SACM1L: variants seen among roughly 807,000 people sequenced by gnomAD.
SACM1L encodes the protein phosphatidylinositol-3-phosphatase SAC1.
Under a neutral mutation model 89.5 loss-of-function variants are expected in SACM1L, and 32 were observed. The ratio of observed to expected loss-of-function variants is 0.36; its 90% confidence interval spans 0.27 to 0.48. SACM1L has a LOEUF of 0.48. Ranked by LOEUF, SACM1L falls within the 20% of genes least tolerant of loss-of-function variation. The pLI, the probability that SACM1L is intolerant of heterozygous loss-of-function variation, is 0.99. For synonymous variants in SACM1L, 213 were observed against 232.8 expected (o/e 0.92, Z 0.77); for missense variants, 543 against 708.5 (o/e 0.77, Z 2.65).
chr3:45,715,515 C>T (rs1698631554), intron 7 of SACM1L, among the ~76,000 whole-genome samples: 1 of 152,142 alleles, frequency 6.6e-6, no homozygotes, highest in Non-Finnish European at 1.5e-5. Flanking sequence ...GTGGCTCATG[C>T]CTGTAATCCC....
At chr3:45,735,019 TC>T (rs1000069255) in intron 13 of SACM1L, 12 of 429,654 alleles carry the variant, frequency 2.8e-5, no homozygotes, top group Non-Finnish European at 4.5e-5. Context: ...TCTCTAATCT[TC>T]AGCCATTTTT....
Position 45,721,990 on chromosome 3 carries a change from T to G in SACM1L, c.680-10T>G, listed in dbSNP as rs765967692. 1.3e-6 allele frequency: 2 copies of G among 1,589,378 alleles called. No homozygotes were observed. Among genetic ancestry groups the G allele is most frequent in the Non-Finnish European group, 1.7e-6 (2 of 1,159,062 alleles). ...CAGTATAGTTAATTCTTAATTTTTT[T>G]TCTATTTAGGAATTGATTCGGAAGG... On this transcript the variant is annotated splice_polypyrimidine_tract_variant and intron_variant, in intron 8 of 19. Transcript: ENST00000389061.
At chr3:45,703,154 T>G (rs114078070) in intron 1 of SACM1L, among the ~76,000 whole-genome samples, 1,715 of 152,290 alleles carry the variant, frequency 0.011, 18 homozygotes, top group Non-Finnish European at 0.017. Context: ...TATGCTACAT[T>G]GCCTTCTGTA....
rs150343677 is a variant in SACM1L, at chr3:45,735,259, C to G, written c.1125C>G (p.Gly375=). Residue 375 remains glycine, a synonymous_variant, in exon 14 of 20, where the codon GGC becomes GGG. Transcript: ENST00000389061. ...ELSYFLVDSA[G]QVVANQEGVF... is the part of the protein sequence containing the mutation. ...GTTATTTTCTAGTGGACTCTGCTGG[C>G]CAGGTGGTGGCAAACCAGGAAGGCG... is the stretch of plus-strand genomic sequence containing the variant. The G allele has an allele frequency of 6.2e-7, 1 of 1,612,510 alleles. No homozygotes were observed. The highest frequency in any genetic ancestry group is 8.5e-7 in the Non-Finnish European group (1 of 1,179,640).
intron 14 of SACM1L, chr3:45,737,168 G>C (rs1699219984): frequency 5.6e-6 from 1 of 178,256 alleles, no homozygotes; most frequent in African/African-American, 2.4e-5. Flanking sequence ...TGGGACAGAG[G>C]GTAAGGCTGG....
Position 45,703,535 on chromosome 3 carries a change from G to C in SACM1L, c.130G>C (p.Val44Leu). ...TGTGTCCACAGAGGTTACCCTTGCA[G>C]GTATTTTACAGCCAGATTTAGAAGT... ...DRVSTEVTLA[V>L]KKDVPPSAVT... The change falls in exon 2 of 20, where the codon GTC becomes CTC. Residue 44 changes from valine to leucine, a missense_variant and splice_region_variant. Transcript: ENST00000389061. 1 of 1,597,352 alleles carries C rather than the reference G, an allele frequency of 6.3e-7. No individual in the cohort carries two copies. Among genetic ancestry groups the C allele is most frequent in the Non-Finnish European group, 8.6e-7 (1 of 1,165,788 alleles).
At chr3:45,734,507 A>C (rs565142778) in intron 13 of SACM1L, 2 of 152,240 alleles carry the variant, frequency 1.3e-5, no homozygotes, top group South Asian at 4.2e-4. Flanking sequence ...CCCAGGCTGG[A>C]GTGCAGTGGT....
intron 1 of SACM1L, among the ~76,000 whole-genome samples, chr3:45,697,316 G>A (rs1320922471): frequency 2.6e-5 from 3 of 115,366 alleles, no homozygotes; most frequent in African/African-American, 3.5e-5. Flanking sequence ...TTGCTCTGTT[G>A]CCCAGGCTGG....
At chr3:45,713,646 A>G (rs2673034) in intron 6 of SACM1L, 78,421 of 162,828 alleles carry the variant, frequency 0.48, 19,592 homozygotes, top group Middle Eastern at 0.57. Flanking sequence ...CTAGGGAAAC[A>G]TGATATATTA....
intron 1 of SACM1L, among the ~76,000 whole-genome samples, chr3:45,696,005 T>C (rs1436176644): frequency 1.3e-5 from 2 of 151,236 alleles, no homozygotes; most frequent in African/African-American, 4.9e-5. Flanking sequence ...TCCTTTTTTT[T>C]TTTTTTTTTT....
chr3:45,690,174 C>T (rs563817458), intron 1 of SACM1L: 1 of 152,274 alleles, frequency 6.6e-6, no homozygotes, highest in Non-Finnish European at 1.5e-5. Context: ...GTCTTTGATA[C>T]AGAGGCTGTG....
chr3:45,703,331 C>A, intron 1 of SACM1L, 107 bp from the exon 2 acceptor site: 2 of 710,630 alleles, frequency 2.8e-6, no homozygotes, highest in Non-Finnish European at 2.4e-6. Context: ...CTTTTAGAAG[C>A]TGGGAAAATG....
intron 7 of SACM1L, among the ~76,000 whole-genome samples, chr3:45,718,923 A>G (rs150706055): frequency 1.3e-5 from 2 of 152,120 alleles, no homozygotes; most frequent in Non-Finnish European, 2.9e-5. Flanking sequence ...GGGGAGATAC[A>G]GTCTTTCATA....
chr3:45,736,853 G>T lies in SACM1L; in HGVS notation c.1240-730G>T, dbSNP rs1699210210. ...TACTTGTGCCTCTCCAAGTCTGCCA[G>T]TGAAGGCAGAGTTCTTACCCAGCTA... On this transcript the variant is annotated intron_variant, in intron 14 of 19. Transcript: ENST00000389061. Among the ~76,000 whole-genome samples, 3 of 152,174 alleles carry T rather than the reference G, an allele frequency of 2.0e-5. No individual in the cohort carries two copies. In the South Asian group the frequency reaches 6.2e-4, roughly 31 times the overall value.
intron 9 of SACM1L, 117 bp downstream of exon 9, chr3:45,722,202 A>G (rs1575402208): frequency 1.5e-6 from 1 of 651,786 alleles, no homozygotes; most frequent in Admixed American, 3.5e-5. Context: ...TAATATTTTT[A>G]TCTATGGTGC....
At chr3:45,718,640 TC>T (rs1256203719) in intron 7 of SACM1L, among the ~76,000 whole-genome samples, 1 of 152,116 alleles carries the variant, frequency 6.6e-6, no homozygotes, top group East Asian at 1.9e-4. Flanking sequence ...TAATATCAAC[TC>T]CCCATACTAA....
At position 45,737,782 on chromosome 3, in the gene SACM1L, CAACGCAAAT is replaced by C. The variant is rs780120153; in HGVS notation, c.1321_1329del (p.Asn441_Asn443del). On this transcript the variant is annotated inframe_deletion, in exon 16 of 20. Transcript: ENST00000389061. The stretch of plus-strand genomic sequence containing the variant: ...TACTTTTTTCTACAGCCTGGGCTGA[CAACGCAAAT>C]GCTTGTGCCAAGCAATATGCGGGAA... 18 of 1,613,834 alleles carry C rather than the reference CAACGCAAAT, an allele frequency of 1.1e-5. No individual in the cohort carries two copies.
intron 4 of SACM1L, among the ~76,000 whole-genome samples, chr3:45,709,137 T>A (rs1372783605): frequency 2.6e-5 from 4 of 152,236 alleles, no homozygotes; most frequent in Non-Finnish European, 5.9e-5. Context: ...GCAGGGCTGT[T>A]GTGAAGATTA....
chr3:45,707,111 G>C, intron 4 of SACM1L: 1 of 413,732 alleles, frequency 2.4e-6, no homozygotes, highest in Non-Finnish European at 4.2e-6. Flanking sequence ...TTTTTTTAAA[G>C]ATTCAGTTCT....
Sources: allele counts gnomAD v4.1 joint callset (sites outside exome capture counted in the v4.1 genomes callset), GRCh38; gene constraint gnomAD v4.1.1; transcripts MANE v1.5; gene names NCBI Gene and HGNC (gene_info 2026-07-23, HGNC 2026-07-21).